ZNF827: variants seen among roughly 807,000 people sequenced by gnomAD.
The protein encoded by ZNF827 is zinc finger protein 827.
Under a neutral mutation model 102.4 loss-of-function variants are expected in ZNF827, and 13 were observed. The ratio of observed to expected loss-of-function variants is 0.13; its 90% confidence interval spans 0.08 to 0.20. ZNF827 has a LOEUF of 0.20. Among genes scored for constraint, ZNF827 ranks in the 10% least tolerant of loss-of-function variants. The pLI is 1.00. For synonymous variants in ZNF827, 523 were observed against 536.2 expected, an observed-to-expected ratio of 0.98 and a Z score of 0.34; for missense variants, 1,103 against 1,344.4, an observed-to-expected ratio of 0.82 and a Z score of 2.81.
chr4:145,885,594 T>C lies in ZNF827; in HGVS notation c.1747+84A>G, dbSNP rs1041113238. 8 of 1,465,872 alleles carry C rather than the reference T, an allele frequency of 5.5e-6. No individual in the cohort carries two copies. The African/African-American group carries it at 6.0e-5, about 11-fold the overall frequency. The allele number at this position is 1,465,872 out of a possible 1,614,324, so 90.8% of individuals were successfully genotyped here. ...TACCAGCTTATTTTACAAATAAGAA[T>C]ACTGGTAGACAGAGACAGAGAGAGA... is the stretch of plus-strand genomic sequence containing the variant. On this transcript the variant is annotated intron_variant, in intron 4 of 14. Transcript: ENST00000508784.
intron 2 of ZNF827, among the ~76,000 whole-genome samples, chr4:145,893,078 A>G (rs530907068): frequency 6.6e-6 from 1 of 152,330 alleles, no homozygotes; most frequent in East Asian, 1.9e-4. Context: ...GGTAGCCACT[A>G]ACAATATGTG....
chr4:145,800,022 A>G (rs540136956), intron 8 of ZNF827, among the ~76,000 whole-genome samples: 72 of 135,268 alleles, frequency 5.3e-4, no homozygotes, highest in African/African-American at 2.1e-3. Flanking sequence ...CAGCCATCAA[A>G]ATTTTATCAC....
intron 1 of ZNF827, among the ~76,000 whole-genome samples, chr4:145,932,764 G>A (rs554384711): frequency 1.3e-5 from 2 of 152,300 alleles, no homozygotes; most frequent in East Asian, 1.9e-4. Context: ...GTGAGCCACC[G>A]CGCTCAGCTT....
At chr4:145,832,301 CCACACACACACA>C (rs58517710) in intron 7 of ZNF827, 5,402 of 147,878 alleles carry the variant, frequency 0.037, 249 homozygotes, top group East Asian at 0.16. Context: ...CAAAACAAAA[CCACACACACACA>C]CACACACACA....
chr4:145,775,798 T>C lies in ZNF827; in HGVS notation c.2684A>G (p.Tyr895Cys). ...TCCATCTGCAACTCACCTGTAATAA[T>C]AAGGATGTTTCTTCCCATCACTGCC... The part of the protein sequence containing the change: ...SEGSDGKKHP[Y>C]YYSCHVCGFE... The change falls in exon 10 of 15, where the codon TAT (tyrosine) becomes TGT (cysteine). Residue 895 changes from tyrosine (Y) to cysteine (C), a missense_variant. Tyr to Cys is a radical substitution (Grantham distance 194, BLOSUM62 -2). Around this residue, in one of 5 missense-constraint regions of ZNF827, gnomAD observed 242 missense variants for 361.9 expected, o/e 0.67. Coordinates refer to ENST00000508784, the MANE Select transcript of ZNF827 (RefSeq NM_001306215.2). 1 of 1,614,136 alleles carries C rather than the reference T, an allele frequency of 6.2e-7. No individual in the cohort carries two copies. Among genetic ancestry groups the C allele is most frequent in the Middle Eastern group, 1.6e-4 (1 of 6,062 alleles).
chr4:145,824,100 G>T (rs760553239), intron 7 of ZNF827, among the ~76,000 whole-genome samples: 4 of 152,178 alleles, frequency 2.6e-5, no homozygotes, highest in Non-Finnish European at 5.9e-5. Flanking sequence ...TGCCAGAAGG[G>T]ACCCCAGGGA....
intron 1 of ZNF827, among the ~76,000 whole-genome samples, chr4:145,925,175 A>C (rs1015729176): frequency 6.6e-6 from 1 of 152,166 alleles, no homozygotes; most frequent in Admixed American, 6.5e-5. Flanking sequence ...ACCCATCCGC[A>C]TGATTCAATT....
rs186384807 is a variant in ZNF827 at position 145,785,860 on chromosome 4, T to C, written c.2384-6349A>G. The stretch of plus-strand genomic sequence containing the variant: ...TTGGCTCTGAGTTTAATACTCTTGG[T>C]TACACATGTGCAGATTTAGCAACAA... On this transcript the variant is annotated intron_variant, in intron 8 of 14. Coordinates refer to ENST00000508784, the MANE Select transcript of ZNF827 (RefSeq NM_001306215.2). 2.9e-3 allele frequency among the ~76,000 whole-genome samples: 444 copies of C among 152,338 alleles called. 6 individuals carry two copies. The Middle Eastern group carries it at 0.034, about 12-fold the overall frequency.
chr4:145,861,882 A>T (rs1003561330), intron 5 of ZNF827, among the ~76,000 whole-genome samples: 7 of 152,210 alleles, frequency 4.6e-5, no homozygotes, highest in African/African-American at 1.7e-4. Context: ...ATATTAACAT[A>T]TGCAGCTATG....
At chr4:145,906,176 C>A (rs1179943305) in intron 1 of ZNF827, among the ~76,000 whole-genome samples, 1 of 152,246 alleles carries the variant, frequency 6.6e-6, no homozygotes, top group Non-Finnish European at 1.5e-5. Flanking sequence ...TGGCCCAATG[C>A]TTCTCTGCAA....
chr4:145,921,109 G>A (rs1252999994), intron 1 of ZNF827, among the ~76,000 whole-genome samples: 1 of 152,204 alleles, frequency 6.6e-6, no homozygotes, highest in East Asian at 1.9e-4. Flanking sequence ...AGAACTGAGT[G>A]TTGCAGGCTA....
At chr4:145,812,312 A>G (rs1032362270) in intron 8 of ZNF827, among the ~76,000 whole-genome samples, 1 of 152,066 alleles carries the variant, frequency 6.6e-6, no homozygotes, top group Non-Finnish European at 1.5e-5. Flanking sequence ...ATCAGTCTTC[A>G]GTTTTCATGT....
intron 8 of ZNF827, among the ~76,000 whole-genome samples, chr4:145,813,516 T>TC (rs200588968): frequency 6.6e-6 from 1 of 151,998 alleles, no homozygotes; most frequent in African/African-American, 2.4e-5. Flanking sequence ...CGGGAATGTA[T>TC]CCCCTGAGGA....
chr4:145,869,095 CA>C (rs1375929009), intron 5 of ZNF827, among the ~76,000 whole-genome samples: 2 of 152,162 alleles, frequency 1.3e-5, no homozygotes, highest in Non-Finnish European at 2.9e-5. Context: ...TTTAGGAAGA[CA>C]GAGCTATGAT....
chr4:145,822,558 G>A (rs1743246561), intron 8 of ZNF827, among the ~76,000 whole-genome samples: 1 of 152,182 alleles, frequency 6.6e-6, no homozygotes, highest in East Asian at 1.9e-4. Flanking sequence ...CTGCACACAG[G>A]TGGCCACGGT....
intron 4 of ZNF827, among the ~76,000 whole-genome samples, chr4:145,883,697 G>A (rs777525222): frequency 2.0e-5 from 3 of 152,196 alleles, no homozygotes; most frequent in Admixed American, 6.5e-5. Context: ...GGAGTAAAGG[G>A]AGTAACACCT....
At position 145,786,481 on chromosome 4, in the gene ZNF827, C is replaced by T. The variant is rs975080054; in HGVS notation, c.2384-6970G>A. ...GGGCCGCTTGGGTTTTCCATTGTGA[C>T]ATATGGTATTTTGATCACTTCTTTC... On this transcript the variant is annotated intron_variant, in intron 8 of 14. Transcript: ENST00000508784. 1.3e-5 allele frequency among the ~76,000 whole-genome samples: 2 copies of T among 152,326 alleles called. 1 individual carries two copies. Among genetic ancestry groups the T allele is most frequent in the Non-Finnish European group, 2.9e-5 (2 of 68,024 alleles).
rs563685806 is a variant in ZNF827, at chr4:145,862,583, AT to A, written c.1981+7661del. Reference sequence around the variant, plus strand: ...TGGCAATGAGGAAAGTGATCCAGCCATTAGTTGTAGGCCCATTGCTGGTCAC... The same window carrying A: ...TGGCAATGAGGAAAGTGATCCAGCCATAGTTGTAGGCCCATTGCTGGTCAC... On this transcript the variant is annotated intron_variant, in intron 5 of 14. Transcript: ENST00000508784. Among the ~76,000 whole-genome samples the A allele has an allele frequency of 7.3e-3, 1,117 of 152,322 alleles. 5 individuals carry two copies. Among genetic ancestry groups the A allele is most frequent in the Middle Eastern group, 0.031 (9 of 294 alleles).
intron 5 of ZNF827, among the ~76,000 whole-genome samples, chr4:145,866,234 A>G (rs867708696): frequency 6.6e-6 from 1 of 152,222 alleles, no homozygotes; most frequent in African/African-American, 2.4e-5. Context: ...TCTGTTATTT[A>G]TAACCAAAGG....
Sources: gnomAD v4.1 joint callset for allele counts (sites outside exome capture counted in the v4.1 genomes callset) on GRCh38, gnomAD v4.1.1 for gene constraint, gnomAD v4.1.1 regional missense constraint, MANE v1.5 for transcripts, NCBI Gene and HGNC (gene_info 2026-07-23, HGNC 2026-07-21) for gene names.